The following TRAPPC9 variants were observed in gnomAD, a reference collection of about 807,000 sequenced individuals.
The protein encoded by TRAPPC9 is IKK2 binding protein.
Under a neutral mutation model 124.0 loss-of-function variants are expected in TRAPPC9, and 83 were observed. That is an observed-to-expected ratio of 0.67 (90% CI 0.56 to 0.80). The LOEUF is 0.80. Ranked by LOEUF, TRAPPC9 falls within the 30% of genes least tolerant of loss-of-function variation. The pLI is 0.00. For missense variants in TRAPPC9, 1,302 were observed against 1,508.3 expected (o/e 0.86, Z 2.27); for synonymous variants, 638 against 617.5 (o/e 1.03, Z -0.49).
intron 9 of TRAPPC9, among the ~76,000 whole-genome samples, chr8:140,336,518 T>C (rs1460878246): frequency 1.3e-5 from 2 of 152,170 alleles, no homozygotes; most frequent in Non-Finnish European, 2.9e-5. Context: ...CACAGTAAAA[T>C]GAGGCGAGGT....
At chr8:140,070,839 T>C (rs545053404) in intron 17 of TRAPPC9, among the ~76,000 whole-genome samples, 19 of 152,292 alleles carry the variant, frequency 1.2e-4, no homozygotes, top group Admixed American at 5.9e-4. Flanking sequence ...AAACAAGCAT[T>C]GCCAGGCAGC....
intron 15 of TRAPPC9, among the ~76,000 whole-genome samples, chr8:140,258,554 G>A (rs989324683): frequency 6.6e-6 from 1 of 152,194 alleles, no homozygotes; most frequent in African/African-American, 2.4e-5. Flanking sequence ...TTCTCTAGGG[G>A]TTTTGCCAGC....
chr8:139,764,766 AGAG>A (rs892320969), intron 21 of TRAPPC9, among the ~76,000 whole-genome samples: 5 of 152,274 alleles, frequency 3.3e-5, no homozygotes, highest in Admixed American at 3.3e-4. Flanking sequence ...GCGACCGGCT[AGAG>A]GAGGTGACCC....
intron 15 of TRAPPC9, among the ~76,000 whole-genome samples, chr8:140,271,641 T>C (rs893643484): frequency 6.6e-6 from 1 of 152,172 alleles, no homozygotes; most frequent in Non-Finnish European, 1.5e-5. Context: ...ATTGGAAAAG[T>C]GCTCAACTTC....
intron 21 of TRAPPC9, 105 bp downstream of exon 21, chr8:139,885,774 A>C: frequency 2.7e-6 from 3 of 1,120,476 alleles, no homozygotes; most frequent in Non-Finnish European, 2.6e-6. Context: ...TTCAGTACCC[A>C]CCAACATTTG....
intron 8 of TRAPPC9, among the ~76,000 whole-genome samples, chr8:140,363,465 G>C (rs2068014810): frequency 6.6e-6 from 1 of 152,212 alleles, no homozygotes; most frequent in Non-Finnish European, 1.5e-5. Context: ...CAGTGGAGAT[G>C]GGGTTTAAAG....
chr8:139,872,097 T>A (rs1191570261), intron 21 of TRAPPC9, among the ~76,000 whole-genome samples: 1 of 150,548 alleles, frequency 6.6e-6, no homozygotes, highest in Non-Finnish European at 1.5e-5. Flanking sequence ...GTTGGATGAG[T>A]GGATGGATGG....
chr8:140,234,986 C>G (rs1156627303), intron 16 of TRAPPC9, among the ~76,000 whole-genome samples: 1 of 151,144 alleles, frequency 6.6e-6, no homozygotes, highest in Non-Finnish European at 1.5e-5. Context: ...TTTTTTTTTT[C>G]TGCGTTGGAG....
At chr8:139,852,321 G>T (rs1827532773) in intron 21 of TRAPPC9, among the ~76,000 whole-genome samples, 1 of 152,156 alleles carries the variant, frequency 6.6e-6, no homozygotes, top group Non-Finnish European at 1.5e-5. Flanking sequence ...CAGTCTCTGA[G>T]ATCTAACCTC....
At chr8:140,164,402 T>C (rs150859141) in intron 17 of TRAPPC9, among the ~76,000 whole-genome samples, 2 of 152,310 alleles carry the variant, frequency 1.3e-5, no homozygotes, top group East Asian at 3.9e-4. Flanking sequence ...CTATTAATCG[T>C]GTATATCTTT....
intron 11 of TRAPPC9, 155 bp from the exon 12 acceptor site, chr8:140,291,233 C>T: frequency 1.4e-6 from 1 of 725,212 alleles, no homozygotes; most frequent in Non-Finnish European, 2.5e-6. Context: ...CTGCTTTTTC[C>T]ACCAGCTTTC....
Position 139,729,332 on chromosome 8 carries a change from T to C in TRAPPC9, c.*1729A>G, listed in dbSNP as rs1817693206. Among the ~76,000 whole-genome samples, 1 of 152,268 alleles carries C rather than the reference T, an allele frequency of 6.6e-6. No individual in the cohort carries two copies. The highest frequency in any genetic ancestry group is 6.5e-5 in the Admixed American group (1 of 15,292). The stretch of plus-strand genomic sequence containing the variant: ...TTCAATGGCGTATTTTTGGGCTCTG[T>C]TGAGGTTGACACACATGGATGCTGT... On this transcript the variant is annotated 3_prime_UTR_variant, in exon 23 of 23. Transcript: ENST00000438773.
At chr8:140,308,316 G>A (rs913318079) in intron 10 of TRAPPC9, among the ~76,000 whole-genome samples, 10 of 149,870 alleles carry the variant, frequency 6.7e-5, no homozygotes, top group South Asian at 6.5e-4. Context: ...TTCTCTAAGC[G>A]GTGGGGAGCA....
At chr8:140,226,026 G>C (rs1382590959) in intron 16 of TRAPPC9, among the ~76,000 whole-genome samples, 1 of 152,212 alleles carries the variant, frequency 6.6e-6, no homozygotes. Flanking sequence ...TTGGCCTGTA[G>C]AGGAAAGCAG....
intron 21 of TRAPPC9, among the ~76,000 whole-genome samples, chr8:139,761,497 C>T (rs1820220843): frequency 1.3e-5 from 2 of 152,158 alleles, no homozygotes; most frequent in South Asian, 4.1e-4. Flanking sequence ...CAGTTCCCTG[C>T]TCCCAGCCCT....
chr8:140,271,152 A>G (rs1418607808), intron 15 of TRAPPC9, among the ~76,000 whole-genome samples: 1 of 152,248 alleles, frequency 6.6e-6, no homozygotes, highest in Non-Finnish European at 1.5e-5. Context: ...AGTATCAACC[A>G]AACTCTATAA....
intron 19 of TRAPPC9, among the ~76,000 whole-genome samples, chr8:139,974,143 G>A (rs566382222): frequency 4.6e-5 from 7 of 152,152 alleles, no homozygotes; most frequent in Non-Finnish European, 7.3e-5. Flanking sequence ...TGCCTGCCAC[G>A]GTTGAAAGAT....
At chr8:140,354,380 G>A (rs139599320) in intron 9 of TRAPPC9, among the ~76,000 whole-genome samples, 12 of 152,246 alleles carry the variant, frequency 7.9e-5, no homozygotes, top group African/African-American at 2.2e-4. Context: ...ACACAGTCAC[G>A]GTTCCTAAGA....
intron 18 of TRAPPC9, among the ~76,000 whole-genome samples, chr8:140,007,053 C>G (rs980519110): frequency 2.0e-5 from 3 of 152,140 alleles, no homozygotes; most frequent in African/African-American, 7.2e-5. Flanking sequence ...GAAGCAGGGG[C>G]GCCCAGGAAT....
Sources: gnomAD v4.1 joint callset for allele counts (sites outside exome capture counted in the v4.1 genomes callset) on GRCh38, gnomAD v4.1.1 for gene constraint, MANE v1.5 for transcripts, NCBI Gene and HGNC (gene_info 2026-07-23, HGNC 2026-07-21) for gene names.